The following NXPH1 variants were observed in gnomAD, a reference collection of about 807,000 sequenced individuals.
The protein encoded by NXPH1 is neurexophilin 1.
NXPH1 carries 5 observed loss-of-function variants against 23.7 expected under a neutral mutation model. That is an observed-to-expected ratio of 0.21 (90% CI 0.11 to 0.44). NXPH1 has a LOEUF of 0.44. Among genes scored for constraint, NXPH1 ranks in the 20% least tolerant of loss-of-function variants. The pLI is 0.99. For missense variants in NXPH1, 324 were observed against 321.6 expected (o/e 1.01, Z -0.06); for synonymous variants, 144 against 122.2 (o/e 1.18, Z -1.18).
At chr7:8,654,946 T>C (rs1039388047) in intron 2 of NXPH1, among the ~76,000 whole-genome samples, 1 of 152,118 alleles carries the variant, frequency 6.6e-6, no homozygotes, top group African/African-American at 2.4e-5. Context: ...CAAAGGTGTG[T>C]GTATATGGAA....
intron 2 of NXPH1, among the ~76,000 whole-genome samples, chr7:8,725,946 G>A (rs1038954165): frequency 6.6e-6 from 1 of 152,174 alleles, no homozygotes; most frequent in Admixed American, 6.5e-5. Flanking sequence ...ACACAGGAAT[G>A]TTATTCCTTG....
chr7:8,568,662 A>G (rs1009163236), intron 2 of NXPH1, among the ~76,000 whole-genome samples: 30 of 146,020 alleles, frequency 2.1e-4, no homozygotes, highest in African/African-American at 7.8e-4. Context: ...AAAAAAAAAA[A>G]AATTCTCATT....
chr7:8,696,569 A>T (rs1031051684), intron 2 of NXPH1, among the ~76,000 whole-genome samples: 32 of 152,180 alleles, frequency 2.1e-4, no homozygotes, highest in African/African-American at 7.5e-4. Flanking sequence ...TGATAGGCAA[A>T]AGTCAGTCAT....
chr7:8,648,732 C>A (rs1450046149), intron 2 of NXPH1, among the ~76,000 whole-genome samples: 2 of 152,040 alleles, frequency 1.3e-5, no homozygotes, highest in African/African-American at 2.4e-5. Flanking sequence ...TACATTAAAC[C>A]AAATGTGTTT....
At chr7:8,551,298 G>C (rs1371548388) in intron 2 of NXPH1, among the ~76,000 whole-genome samples, 5 of 151,458 alleles carry the variant, frequency 3.3e-5, no homozygotes, top group Non-Finnish European at 7.4e-5. Context: ...TTAAAGAAGT[G>C]TTTGCTACTG....
intron 2 of NXPH1, among the ~76,000 whole-genome samples, chr7:8,555,265 A>T (rs964457890): frequency 1.3e-5 from 2 of 151,660 alleles, no homozygotes; most frequent in Non-Finnish European, 3.0e-5. Context: ...TGCATTTGTG[A>T]ATCAACTAAG....
intron 2 of NXPH1, among the ~76,000 whole-genome samples, chr7:8,619,808 G>C (rs142028927): frequency 6.6e-6 from 1 of 152,244 alleles, no homozygotes; most frequent in African/African-American, 2.4e-5. Context: ...GATGTTTTCA[G>C]TAATTCTGTG....
intron 2 of NXPH1, among the ~76,000 whole-genome samples, chr7:8,560,449 A>G (rs1425576032): frequency 6.6e-6 from 1 of 151,708 alleles, no homozygotes; most frequent in African/African-American, 2.4e-5. Context: ...CTCTGTGGTC[A>G]TAGGGATACT....
At chr7:8,585,701 AAAG>A (rs1818965150) in intron 2 of NXPH1, among the ~76,000 whole-genome samples, 1 of 152,254 alleles carries the variant, frequency 6.6e-6, no homozygotes, top group African/African-American at 2.4e-5. Flanking sequence ...TTAAAATAAA[AAAG>A]ATGAATGTGC....
chr7:8,482,728 A>T (rs1162438857), intron 2 of NXPH1, among the ~76,000 whole-genome samples: 1 of 152,088 alleles, frequency 6.6e-6, no homozygotes, highest in African/African-American at 2.4e-5. Context: ...TGGTCAATCA[A>T]TCAGTTAGCC....
chr7:8,435,758 C>T lies in NXPH1; in HGVS notation c.45C>T (p.Thr15=). 6.2e-7 allele frequency: 1 copy of T among 1,613,912 alleles called. No homozygotes were observed. The highest frequency in any genetic ancestry group is 8.5e-7 in the Non-Finnish European group (1 of 1,179,872). Residue 15 remains threonine, a synonymous_variant, in exon 2 of 3, where the codon ACC becomes ACT. Coordinates refer to ENST00000405863, the MANE Select transcript of NXPH1 (RefSeq NM_152745.3). This position sits in a 1 kb window ranked among gnomAD's most constrained non-coding sequence, Gnocchi z 5.9. ...CWYVLFLLQP[T]VYLVTCANLT... is the part of the protein sequence containing the mutation. ...ACGTGCTTTTCCTCCTGCAGCCCAC[C>T]GTCTACTTGGTAAGTCTTGGAAGGT...
At chr7:8,675,414 T>G (rs1322926020) in intron 2 of NXPH1, among the ~76,000 whole-genome samples, 1 of 152,194 alleles carries the variant, frequency 6.6e-6, no homozygotes, top group Admixed American at 6.6e-5. Context: ...CCAGAATTGA[T>G]ATACAATGTA....
At chr7:8,586,897 C>G (rs1045474624) in intron 2 of NXPH1, among the ~76,000 whole-genome samples, 1 of 152,036 alleles carries the variant, frequency 6.6e-6, no homozygotes, top group Non-Finnish European at 1.5e-5. Flanking sequence ...CCATGCAATA[C>G]TCTATCCCTT....
chr7:8,502,499 A>G (rs1037741208), intron 2 of NXPH1, among the ~76,000 whole-genome samples: 9 of 151,922 alleles, frequency 5.9e-5, no homozygotes, highest in Non-Finnish European at 1.0e-4. Flanking sequence ...GTCAGAGTCC[A>G]ACCAGAAGAC....
intron 2 of NXPH1, among the ~76,000 whole-genome samples, chr7:8,498,894 G>A (rs1166733524): frequency 2.0e-5 from 3 of 152,014 alleles, no homozygotes; most frequent in African/African-American, 7.2e-5. Flanking sequence ...GCATGAGTGT[G>A]GGTGGCTTCC....
intron 2 of NXPH1, among the ~76,000 whole-genome samples, chr7:8,748,037 G>A (rs992674817): frequency 1.3e-5 from 2 of 152,100 alleles, no homozygotes; most frequent in Admixed American, 1.3e-4. Flanking sequence ...TTTATTGTCA[G>A]GATAGATTGG....
intron 2 of NXPH1, among the ~76,000 whole-genome samples, chr7:8,539,430 C>G (rs1334183039): frequency 2.6e-5 from 4 of 151,756 alleles, no homozygotes; most frequent in African/African-American, 9.7e-5. Flanking sequence ...AATGATCACT[C>G]TGATAGCAGA....
intron 2 of NXPH1, among the ~76,000 whole-genome samples, chr7:8,594,048 A>C (rs947536201): frequency 3.3e-5 from 5 of 152,032 alleles, no homozygotes; most frequent in Non-Finnish European, 4.4e-5. Flanking sequence ...CCACTGCTTT[A>C]GGGCATTTTT....
intron 2 of NXPH1, among the ~76,000 whole-genome samples, chr7:8,731,390 G>T (rs960791551): frequency 2.0e-5 from 3 of 152,346 alleles, no homozygotes; most frequent in Admixed American, 2.0e-4. Context: ...GGGAGGAACT[G>T]TGTTCCTTTG....
Sources: gnomAD v4.1 joint callset for allele counts (sites outside exome capture counted in the v4.1 genomes callset) on GRCh38, gnomAD v4.1.1 for gene constraint, Gnocchi (gnomAD v3.1) non-coding constraint, MANE v1.5 for transcripts, NCBI Gene and HGNC (gene_info 2026-07-23, HGNC 2026-07-21) for gene names.